Variants in KCNT1 observed in about 807,000 individuals in gnomAD.
The protein encoded by KCNT1 is potassium sodium-activated channel subfamily T member 1.
A neutral mutation model predicts 147.8 loss-of-function variants in KCNT1; 78 were observed. That is an observed-to-expected ratio of 0.53 (90% confidence interval 0.44 to 0.64). The LOEUF is 0.64. Ranked by LOEUF, KCNT1 falls within the 30% of genes least tolerant of loss-of-function variation. The probability of loss-of-function intolerance (pLI) is 0.00; values close to 1 mark genes in which losing one functional copy is unlikely to be tolerated. For missense variants in KCNT1, 1,419 were observed against 1,750.3 expected (o/e 0.81, Z 3.38); for synonymous variants, 867 against 748.8 (o/e 1.16, Z -2.58).
In KCNT1 at chr9:135,714,724, G is replaced by C; in HGVS notation, c.254+4G>C. On this transcript the variant is annotated splice_donor_region_variant and intron_variant, in intron 2 of 30. Coordinates refer to ENST00000371757, the MANE Select transcript of KCNT1 (RefSeq NM_020822.3). This position sits in a 1 kb window ranked among gnomAD's most constrained non-coding sequence, Gnocchi z 6.2. ...CGTCCTTCCAGAACGACGACAGGTA[G>C]GGACCGGGCGCGGGGTGGGGGCTGG... 1.4e-6 allele frequency: 2 copies of C among 1,386,702 alleles called. No homozygotes were observed. Among genetic ancestry groups the C allele is most frequent in the Non-Finnish European group, 1.9e-6 (2 of 1,057,010 alleles). 85.9% of individuals were successfully genotyped at this position (1,386,702 alleles called of 1,614,324 possible).
chr9:135,773,664 C>T (rs533342831), intron 19 of KCNT1, among the ~76,000 whole-genome samples: 2 of 152,272 alleles, frequency 1.3e-5, no homozygotes, highest in South Asian at 2.1e-4. Flanking sequence ...CTGCAGGGCC[C>T]GAGGTCCATC....
chr9:135,777,472 C>A lies in KCNT1; in HGVS notation c.2484C>A (p.Arg828=). The change falls in exon 21 of 31, where the codon CGC becomes CGA. Residue 828 remains arginine (R), a synonymous_variant. Coordinates refer to ENST00000371757, the MANE Select transcript of KCNT1 (RefSeq NM_020822.3). ...IVPLRAYYRS[R]KELNPIVLLL... ...CACTGCGGGCCTACTACAGATCCCGCAAGGAGCTGAACCCCATCGTGCTGC... is the reference window on the plus strand; with the variant it reads ...CACTGCGGGCCTACTACAGATCCCGAAAGGAGCTGAACCCCATCGTGCTGC... The A allele has an allele frequency of 1.2e-6, 2 of 1,613,998 alleles. No individual in the cohort carries two copies. Among genetic ancestry groups the A allele is most frequent in the Non-Finnish European group, 1.7e-6 (2 of 1,179,956 alleles).
intron 2 of KCNT1, among the ~76,000 whole-genome samples, chr9:135,721,716 CTGAG>C (rs1246224603): frequency 1.3e-5 from 2 of 152,222 alleles, no homozygotes; most frequent in Non-Finnish European, 2.9e-5. Context: ...TTACGGTGTC[CTGAG>C]TGAGTGAAAT....
Position 135,765,084 on chromosome 9 carries a change from C to T in KCNT1, c.1089C>T (p.Tyr363=), listed in dbSNP as rs1832164748. The T allele has an allele frequency of 1.2e-6, 2 of 1,613,314 alleles. No homozygotes were observed. The highest frequency in any genetic ancestry group is 1.7e-6 in the Non-Finnish European group (2 of 1,179,908). Residue 363 remains tyrosine, a synonymous_variant, in exon 12 of 31, where the codon TAC becomes TAT. Transcript: ENST00000371757. ...WMERQKSGGN[Y]SRHRAQTEKH... ...AGCGGCAGAAGTCAGGGGGCAACTACAGCCGCCACCGTGCGCAGACGGAGA... is the reference window on the plus strand; with the variant it reads ...AGCGGCAGAAGTCAGGGGGCAACTATAGCCGCCACCGTGCGCAGACGGAGA...
intron 13 of KCNT1, among the ~76,000 whole-genome samples, chr9:135,767,692 CA>C: frequency 6.6e-6 from 1 of 152,282 alleles, no homozygotes; most frequent in East Asian, 1.9e-4. Context: ...CTGCTCCTGC[CA>C]ACCCTGGACC....
intron 1 of KCNT1, among the ~76,000 whole-genome samples, chr9:135,709,186 G>A (rs1312433168): frequency 6.6e-6 from 1 of 152,182 alleles, no homozygotes; most frequent in Non-Finnish European, 1.5e-5. Context: ...CTTCTTTAGG[G>A]TTCTGTGGAA....
At chr9:135,744,128 G>A (rs1021922699) in intron 2 of KCNT1, among the ~76,000 whole-genome samples, 3 of 152,254 alleles carry the variant, frequency 2.0e-5, no homozygotes, top group Admixed American at 6.5e-5. Flanking sequence ...GGTGGGCCCC[G>A]AGGCGTGTGC....
intron 11 of KCNT1, among the ~76,000 whole-genome samples, chr9:135,762,382 C>T (rs759672504): frequency 6.6e-6 from 1 of 151,578 alleles, no homozygotes; most frequent in South Asian, 2.1e-4. Context: ...GAGGTTGAGG[C>T]TGTGGTGAGC....
chr9:135,768,954 C>T lies in KCNT1; in HGVS notation c.1510+17C>T, dbSNP rs771441998. ...AGTTTGCTGGTGCGTCTGGGGCACA[C>T]GTGGGTGATGGTGTATCTGGGGCAG... On this transcript the variant is annotated intron_variant, in intron 15 of 30. Transcript: ENST00000371757. The T allele has an allele frequency of 6.9e-6, 11 of 1,584,512 alleles. No individual in the cohort carries two copies. The highest frequency in any genetic ancestry group is 2.2e-5 in the East Asian group (1 of 44,544).
chr9:135,784,835 C>G lies in KCNT1; in HGVS notation c.3102C>G (p.Ala1034=). The change falls in exon 27 of 31, where the codon GCC becomes GCG. Residue 1034 remains alanine, a synonymous_variant. Transcript: ENST00000371757. ...RLFQKLCSSS[A]EIPIGIYRTE... is the part of the protein sequence containing the mutation. ...TCCAGAAGCTCTGCTCCTCCAGCGC[C>G]GAGATCCCCATTGGCATCTACCGGA... 1 of 1,612,864 alleles carries G rather than the reference C, an allele frequency of 6.2e-7. No individual in the cohort carries two copies. Among genetic ancestry groups the G allele is most frequent in the Non-Finnish European group, 8.5e-7 (1 of 1,179,998 alleles).
chr9:135,792,407 C>G lies in KCNT1; in HGVS notation c.*246C>G, dbSNP rs1834607718. 9.5e-6 allele frequency: 4 copies of G among 421,776 alleles called. No homozygotes were observed. Among genetic ancestry groups the G allele is most frequent in the East Asian group, 4.8e-5 (1 of 20,630 alleles). The allele number at this position is 421,776 out of a possible 1,614,324, so 26.1% of individuals were successfully genotyped here. A position where few individuals can be genotyped will look rare whatever the true frequency, so the allele number is the denominator to read the frequency against. On this transcript the variant is annotated 3_prime_UTR_variant, in exon 31 of 31. Coordinates refer to ENST00000371757, the MANE Select transcript of KCNT1 (RefSeq NM_020822.3). ...TTTTACACGTCGATGCAGTCCACTTCTCTTTACACAGATGTACCGCAACTC... is the reference window on the plus strand; with the variant it reads ...TTTTACACGTCGATGCAGTCCACTTGTCTTTACACAGATGTACCGCAACTC...
rs1831232196 is a variant in KCNT1 at position 135,752,487 on chromosome 9, C to G, written c.434+1446C>G. 2.2e-6 allele frequency: 1 copy of G among 454,916 alleles called. No homozygotes were observed. Among genetic ancestry groups the G allele is most frequent in the South Asian group, 1.6e-5 (1 of 64,370 alleles). The allele number at this position is 454,916 out of a possible 1,614,324, so 28.2% of individuals were successfully genotyped here. On this transcript the variant is annotated intron_variant, in intron 4 of 30. Transcript: ENST00000371757. This position sits in a 1 kb window ranked among gnomAD's most constrained non-coding sequence, Gnocchi z 5.1. ...CTCCCCACCCCAAGTCCCAGGGTCC[C>G]CTGGGGCTTCTGGTTTCACATCCCC...
chr9:135,756,291 C>T (rs1192081154), intron 6 of KCNT1, among the ~76,000 whole-genome samples: 1 of 152,162 alleles, frequency 6.6e-6, no homozygotes, highest in Non-Finnish European at 1.5e-5. Context: ...CCTCTGTCTG[C>T]TTCACCACCT....
At chr9:135,746,885 A>G (rs1830859734) in intron 2 of KCNT1, among the ~76,000 whole-genome samples, 1 of 152,090 alleles carries the variant, frequency 6.6e-6, no homozygotes. Flanking sequence ...GCAGAGCTGC[A>G]GGACCTGCTG....
chr9:135,748,423 C>T lies in KCNT1; in HGVS notation c.255-1675C>T, dbSNP rs181302271. ...TGGGAAACATCGAATGTTTTAATCA[C>T]TTTCGGAGATGTTGGGGTCACCAGC... On this transcript the variant is annotated intron_variant, in intron 2 of 30. Transcript: ENST00000371757. Among the ~76,000 whole-genome samples the T allele has an allele frequency of 1.8e-4, 28 of 152,138 alleles. No individual in the cohort carries two copies. The East Asian group carries it at 3.5e-3, about 19-fold the overall frequency.
intron 6 of KCNT1, 44 bp downstream of exon 6, chr9:135,755,213 A>G (rs761465446): frequency 3.8e-6 from 6 of 1,566,674 alleles, no homozygotes; most frequent in Non-Finnish European, 5.2e-6. Flanking sequence ...AGTGGTGCTC[A>G]GTAAGCACTG....
At chr9:135,742,707 C>T in intron 2 of KCNT1, 3 of 716,760 alleles carry the variant, frequency 4.2e-6, no homozygotes, top group South Asian at 1.5e-5. Flanking sequence ...GTCTATCTGT[C>T]TGCTGCCTTC....
chr9:135,783,315 G>A (rs758498038), intron 24 of KCNT1, among the ~76,000 whole-genome samples: 3 of 152,222 alleles, frequency 2.0e-5, no homozygotes, highest in Non-Finnish European at 4.4e-5. Flanking sequence ...TGCACGGCCA[G>A]CTCAGAAGAG....
In KCNT1 at chr9:135,779,338, TG is replaced by T; in HGVS notation, c.2730-20del. On this transcript the variant is annotated intron_variant, in intron 23 of 30. Coordinates refer to ENST00000371757, the MANE Select transcript of KCNT1 (RefSeq NM_020822.3). The stretch of plus-strand genomic sequence containing the variant: ...CCTACAACCACCATGGGCCCCGCCC[TG>T]AGCCGCCTGCCTCCCCCAGGCTCTT... 1 of 1,516,280 alleles carries T rather than the reference TG, an allele frequency of 6.6e-7. No homozygotes were observed. Among genetic ancestry groups the T allele is most frequent in the Non-Finnish European group, 9.1e-7 (1 of 1,103,464 alleles). The allele number at this position is 1,516,280 out of a possible 1,614,324, so 93.9% of individuals were successfully genotyped here.
Sources: allele counts gnomAD v4.1 joint callset (sites outside exome capture counted in the v4.1 genomes callset), GRCh38; gene constraint gnomAD v4.1.1; non-coding constraint Gnocchi (gnomAD v3.1); transcripts MANE v1.5; gene names NCBI Gene and HGNC (gene_info 2026-07-23, HGNC 2026-07-21).